The following UNC13C variants were observed in gnomAD, a reference collection of about 807,000 sequenced individuals.
UNC13C encodes the protein unc-13 homolog C, also known as protein unc-13 homolog C.
In UNC13C, 174 loss-of-function variants were observed where a neutral mutation model predicts 245.4. The observed-to-expected ratio is 0.71, with a 90% confidence interval of 0.63 to 0.80. UNC13C has a LOEUF of 0.80. Ranked by LOEUF, UNC13C falls within the 30% of genes least tolerant of loss-of-function variation. The pLI is 0.00. For missense variants in UNC13C, 2,829 were observed against 2,602.9 expected, an observed-to-expected ratio of 1.09 and a Z score of -1.89; for synonymous variants, 992 against 895.1, an observed-to-expected ratio of 1.11 and a Z score of -1.93.
the UNC13C span, among the ~76,000 whole-genome samples, chr15:53,877,966 G>C: frequency 1.3e-5 from 2 of 151,984 alleles, no homozygotes; most frequent in African/African-American, 2.4e-5. Flanking sequence ...TATATGTCTT[G>C]CTCTTTTTGT....
intron 31 of UNC13C, 110 bp downstream of exon 31, chr15:54,622,529 G>A: frequency 1.3e-6 from 1 of 776,968 alleles, no homozygotes; most frequent in Non-Finnish European, 2.0e-6. Context: ...AATTATTTTA[G>A]GGCATGCACA....
chr15:54,077,045 T>A (rs1427511981), intron 2 of UNC13C, among the ~76,000 whole-genome samples: 1 of 152,142 alleles, frequency 6.6e-6, no homozygotes, highest in Non-Finnish European at 1.5e-5. Flanking sequence ...CATGGTTAAT[T>A]ATTGGTTAAA....
intron 19 of UNC13C, among the ~76,000 whole-genome samples, chr15:54,444,994 T>C (rs1596385219): frequency 8.4e-6 from 1 of 118,770 alleles, no homozygotes; most frequent in Non-Finnish European, 1.6e-5. Context: ...GCCCCTGGTG[T>C]GTGATGTTCC....
downstream of UNC13C, chr15:54,633,222 A>G (rs999077682): frequency 6.6e-6 from 1 of 152,110 alleles, no homozygotes; most frequent in Non-Finnish European, 1.5e-5. Flanking sequence ...AAATCCATAC[A>G]CCAATTTACA....
chr15:53,910,173 G>A, the UNC13C span, among the ~76,000 whole-genome samples: 1 of 145,004 alleles, frequency 6.9e-6, no homozygotes, highest in Non-Finnish European at 1.5e-5. Flanking sequence ...CAGGACCCAG[G>A]TGTTGGCCTG....
At position 54,627,535 on chromosome 15, in the gene UNC13C, C is replaced by A. The variant is rs183307170; in HGVS notation, c.*422C>A. ...TCATTATAGATGTCTTACAAATACC[C>A]TTTTCTACCATAACTAGAAATGCAG... On this transcript the variant is annotated 3_prime_UTR_variant, in exon 33 of 33. Coordinates refer to ENST00000260323, the MANE Select transcript of UNC13C (RefSeq NM_001080534.3). 2.1e-3 allele frequency: 332 copies of A among 154,444 alleles called. 3 individuals carry two copies. Among genetic ancestry groups the A allele is most frequent in the Non-Finnish European group, 9.5e-4 (66 of 69,180 alleles). 9.6% of individuals were successfully genotyped at this position (154,444 alleles called of 1,614,324 possible). A position where few individuals can be genotyped will look rare whatever the true frequency, so the allele number is the denominator to read the frequency against.
At chr15:54,497,461 C>A (rs1201489297) in intron 20 of UNC13C, among the ~76,000 whole-genome samples, 1 of 152,012 alleles carries the variant, frequency 6.6e-6, no homozygotes, top group Non-Finnish European at 1.5e-5. Flanking sequence ...ACCAAGATCC[C>A]AGAGAAAAGG....
chr15:54,041,571 A>G (rs978524346), intron 2 of UNC13C, among the ~76,000 whole-genome samples: 2 of 152,218 alleles, frequency 1.3e-5, no homozygotes, highest in Middle Eastern at 3.2e-3. Flanking sequence ...ACCCAAAGCT[A>G]CATAGCATAG....
intron 4 of UNC13C, among the ~76,000 whole-genome samples, chr15:54,216,817 T>C (rs2035054913): frequency 6.6e-6 from 1 of 151,996 alleles, no homozygotes; most frequent in East Asian, 1.9e-4. Context: ...TAATTTTATA[T>C]ATTTTTCATG....
At chr15:54,276,641 C>A (rs2036840350) in intron 10 of UNC13C, among the ~76,000 whole-genome samples, 1 of 152,046 alleles carries the variant, frequency 6.6e-6, no homozygotes, top group African/African-American at 2.4e-5. Context: ...CCTTAATGGG[C>A]TAGTTAGGAT....
intron 14 of UNC13C, among the ~76,000 whole-genome samples, chr15:54,327,000 A>T (rs1352700827): frequency 3.3e-5 from 5 of 152,048 alleles, no homozygotes; most frequent in African/African-American, 1.2e-4. Flanking sequence ...CGCATCACTG[A>T]GTATAAATGT....
chr15:53,901,695 G>A, the UNC13C span, among the ~76,000 whole-genome samples: 69 of 152,198 alleles, frequency 4.5e-4, no homozygotes, highest in African/African-American at 1.5e-3. Context: ...ATAGTCAATG[G>A]AGTCAAACAT....
At chr15:54,501,115 T>C in intron 22 of UNC13C, 137 bp downstream of exon 22, 2 of 813,818 alleles carry the variant, frequency 2.5e-6, no homozygotes, top group Non-Finnish European at 3.7e-6. Context: ...TTCAGTTGTT[T>C]CCAGGATTCC....
At chr15:54,616,619 A>C (rs1900452725) in intron 30 of UNC13C, among the ~76,000 whole-genome samples, 1 of 152,112 alleles carries the variant, frequency 6.6e-6, no homozygotes, top group African/African-American at 2.4e-5. Flanking sequence ...TTACAGAATA[A>C]GGTTATAAAG....
chr15:53,923,167 A>G, the UNC13C span, among the ~76,000 whole-genome samples: 1 of 152,256 alleles, frequency 6.6e-6, no homozygotes, highest in East Asian at 1.9e-4. Flanking sequence ...ATCAAATGAC[A>G]TAATTTCTGC....
intron 17 of UNC13C, among the ~76,000 whole-genome samples, chr15:54,374,286 C>T (rs1220043901): frequency 6.6e-6 from 1 of 152,178 alleles, no homozygotes; most frequent in Admixed American, 6.5e-5. Context: ...CACCCAGGAG[C>T]CTATCTGCCT....
At chr15:53,935,069 G>A in the UNC13C span, among the ~76,000 whole-genome samples, 3 of 152,010 alleles carry the variant, frequency 2.0e-5, no homozygotes, top group Non-Finnish European at 4.4e-5. Flanking sequence ...ACATCAACCA[G>A]GAAGTTTAAT....
intron 23 of UNC13C, among the ~76,000 whole-genome samples, chr15:54,507,852 GA>G (rs71816913): frequency 6.7e-4 from 97 of 144,536 alleles, no homozygotes; most frequent in East Asian, 3.8e-3. Context: ...CAGTAGCTCT[GA>G]AAAAAAAAAG....
the UNC13C span, among the ~76,000 whole-genome samples, chr15:53,932,626 C>G: frequency 6.6e-6 from 1 of 152,288 alleles, no homozygotes; most frequent in Admixed American, 6.5e-5. Context: ...ACTCTTCTTA[C>G]CACTCTAACC....
Sources: allele counts gnomAD v4.1 joint callset (sites outside exome capture counted in the v4.1 genomes callset), GRCh38; gene constraint gnomAD v4.1.1; transcripts MANE v1.5; gene names NCBI Gene and HGNC (gene_info 2026-07-23, HGNC 2026-07-21).